Variants in ADGRL3 observed in about 807,000 individuals in gnomAD.
ADGRL3 encodes calcium-independent alpha-latrotoxin receptor 3.
Under a neutral mutation model 153.5 loss-of-function variants are expected in ADGRL3, and 62 were observed. The observed-to-expected ratio is 0.40, with a 90% CI of 0.33 to 0.50. The LOEUF is 0.50. Ranked by LOEUF, ADGRL3 falls within the 20% of genes least tolerant of loss-of-function variation. The probability of loss-of-function intolerance (pLI) is 0.47; values close to 1 mark genes in which losing one functional copy is unlikely to be tolerated. For synonymous variants in ADGRL3, 710 were observed against 672.5 expected (o/e 1.06, Z -0.86); for missense variants, 1,641 against 1,859.4 (o/e 0.88, Z 2.16).
chr4:61,229,734 G>A (rs754360621), intron 1 of ADGRL3, among the ~76,000 whole-genome samples: 5 of 151,740 alleles, frequency 3.3e-5, no homozygotes, highest in Non-Finnish European at 5.9e-5. Context: ...CAAGATCCTA[G>A]CTCTACAAAA....
At chr4:61,973,636 C>T (rs1046101016) in intron 17 of ADGRL3, among the ~76,000 whole-genome samples, 13 of 151,994 alleles carry the variant, frequency 8.6e-5, no homozygotes, top group Non-Finnish European at 1.9e-4. Context: ...ATTTTTCTCT[C>T]ACATCTCCTT....
At chr4:61,375,028 T>C (rs915410764) in intron 1 of ADGRL3, among the ~76,000 whole-genome samples, 3 of 152,080 alleles carry the variant, frequency 2.0e-5, no homozygotes, top group African/African-American at 7.2e-5. Context: ...TTCTGGCATA[T>C]TGGATTTTTG....
chr4:61,640,711 C>G (rs1336877516), intron 5 of ADGRL3, among the ~76,000 whole-genome samples: 1 of 152,152 alleles, frequency 6.6e-6, no homozygotes, highest in African/African-American at 2.4e-5. Context: ...TGACTTCCAC[C>G]TGACAGTGCT....
Position 62,076,156 on chromosome 4 carries a change from T to C in ADGRL3, c.*5248T>C, listed in dbSNP as rs1427647015. On this transcript the variant is annotated 3_prime_UTR_variant, in exon 27 of 27. Transcript: ENST00000683033. ...TCTCATTGAAAGATATTGCTATTCC[T>C]TCTTTATTTAAAAAAAAATTTAAAA... 1 of 152,130 alleles carries C rather than the reference T, an allele frequency of 6.6e-6. No individual in the cohort carries two copies. Among genetic ancestry groups the C allele is most frequent in the Non-Finnish European group, 1.5e-5 (1 of 67,992 alleles). The allele number at this position is 152,130 out of a possible 1,614,324, so 9.4% of individuals were successfully genotyped here.
chr4:61,675,709 A>G (rs1332590570), intron 5 of ADGRL3, among the ~76,000 whole-genome samples: 1 of 149,160 alleles, frequency 6.7e-6, no homozygotes, highest in African/African-American at 2.5e-5. Context: ...TATTCATGGG[A>G]ACATGAGATA....
chr4:61,543,084 T>C (rs1457121407), intron 4 of ADGRL3, among the ~76,000 whole-genome samples: 3 of 152,126 alleles, frequency 2.0e-5, no homozygotes, highest in Non-Finnish European at 2.9e-5. Flanking sequence ...GTTCAGTATT[T>C]GTTTTATGTA....
chr4:62,028,967 A>G (rs1720442818), intron 22 of ADGRL3, 86 bp downstream of exon 22: 1 of 1,194,570 alleles, frequency 8.4e-7, no homozygotes, highest in Admixed American at 2.2e-5. Flanking sequence ...AAAAATCATT[A>G]GAGCTTCTGT....
intron 1 of ADGRL3, among the ~76,000 whole-genome samples, chr4:61,352,899 A>T (rs1485533478): frequency 6.6e-6 from 1 of 152,190 alleles, no homozygotes; most frequent in Non-Finnish European, 1.5e-5. Context: ...AACCCAATAC[A>T]TCTAATGATT....
At chr4:61,569,671 G>A (rs2098830539) in intron 4 of ADGRL3, among the ~76,000 whole-genome samples, 1 of 152,126 alleles carries the variant, frequency 6.6e-6, no homozygotes, top group Non-Finnish European at 1.5e-5. Context: ...AAATAGAATA[G>A]TACAGTGTAG....
chr4:61,357,099 G>A (rs1221568513), intron 1 of ADGRL3, among the ~76,000 whole-genome samples: 1 of 151,946 alleles, frequency 6.6e-6, no homozygotes, highest in Non-Finnish European at 1.5e-5. Context: ...TAGCATTAGG[G>A]ATTTTAACGT....
At chr4:61,962,282 C>A (rs1442237506) in intron 17 of ADGRL3, among the ~76,000 whole-genome samples, 1 of 152,018 alleles carries the variant, frequency 6.6e-6, no homozygotes, top group Non-Finnish European at 1.5e-5. Context: ...TATTATATTA[C>A]TTAACTCCTA....
chr4:61,261,141 A>C (rs185689109), intron 1 of ADGRL3, among the ~76,000 whole-genome samples: 111 of 151,718 alleles, frequency 7.3e-4, no homozygotes, highest in Non-Finnish European at 9.7e-4. Context: ...TGGGACTACA[A>C]GCATCCAATA....
chr4:61,311,109 C>T (rs933284044), intron 1 of ADGRL3, among the ~76,000 whole-genome samples: 1 of 151,938 alleles, frequency 6.6e-6, no homozygotes, highest in Non-Finnish European at 1.5e-5. Context: ...CTGACAAAAA[C>T]ACAAACAAAA....
At chr4:61,373,721 A>G (rs2096569190) in intron 1 of ADGRL3, among the ~76,000 whole-genome samples, 1 of 152,164 alleles carries the variant, frequency 6.6e-6, no homozygotes, top group African/African-American at 2.4e-5. Context: ...CTTTTTAAAG[A>G]GTTGTGTTGC....
intron 1 of ADGRL3, among the ~76,000 whole-genome samples, chr4:61,340,296 T>C (rs988356364): frequency 6.6e-6 from 1 of 152,202 alleles, no homozygotes; most frequent in African/African-American, 2.4e-5. Context: ...ATATCACGCT[T>C]CTCAGTGAAT....
At chr4:61,339,518 C>A (rs2095758596) in intron 1 of ADGRL3, among the ~76,000 whole-genome samples, 1 of 152,150 alleles carries the variant, frequency 6.6e-6, no homozygotes, top group Non-Finnish European at 1.5e-5. Flanking sequence ...ACTGTACTTG[C>A]AAATATTAAA....
chr4:61,990,747 T>C (rs1344231820), intron 19 of ADGRL3, among the ~76,000 whole-genome samples: 1 of 151,890 alleles, frequency 6.6e-6, no homozygotes, highest in African/African-American at 2.4e-5. Context: ...TCGACACCTT[T>C]AGTTGTTTTA....
At chr4:61,776,894 CACTT>C (rs1442098928) in intron 8 of ADGRL3, among the ~76,000 whole-genome samples, 2 of 152,126 alleles carry the variant, frequency 1.3e-5, no homozygotes, top group South Asian at 2.1e-4. Flanking sequence ...ATTATTAGAT[CACTT>C]ACTAAGTGTG....
chr4:61,369,462 G>T (rs35124723), intron 1 of ADGRL3, among the ~76,000 whole-genome samples: 33,793 of 151,858 alleles, frequency 0.22, 4,144 homozygotes, highest in Admixed American at 0.27. Flanking sequence ...TTTGTCAAAG[G>T]CCTTTTCTGC....
Sources: gnomAD v4.1 joint callset for allele counts (sites outside exome capture counted in the v4.1 genomes callset) on GRCh38, gnomAD v4.1.1 for gene constraint, MANE v1.5 for transcripts, NCBI Gene and HGNC (gene_info 2026-07-23, HGNC 2026-07-21) for gene names.